The following SGCE variants were observed in gnomAD, a reference collection of about 807,000 sequenced individuals.
SGCE encodes the protein sarcoglycan epsilon.
Under a neutral mutation model 57.8 loss-of-function variants are expected in SGCE, and 26 were observed. That is an observed-to-expected ratio of 0.45 (90% CI 0.33 to 0.62). The LOEUF (loss-of-function observed/expected upper bound fraction) is 0.62, where lower values mean the gene tolerates loss of function less well. Ranked by LOEUF, SGCE falls within the 20% of genes least tolerant of loss-of-function variation. SGCE has a pLI of 0.02. For synonymous variants in SGCE, 183 were observed against 189.5 expected (o/e 0.97, Z 0.28); for missense variants, 468 against 548.6 (o/e 0.85, Z 1.47).
Position 94,618,910 on chromosome 7 carries a change from A to G in SGCE, c.510T>C (p.Asn170=), listed in dbSNP as rs55853245. The G allele has an allele frequency of 1.9e-4, 306 of 1,614,018 alleles. No homozygotes were observed. The highest frequency in any genetic ancestry group is 8.5e-4 in the Admixed American group (51 of 60,016). ...YQAEFFIKNM[N]VEEMLASEVL... is the part of the protein sequence containing the mutation. ...CCTCACTGGCCAACATTTCTTCTACATTCATATTCTTAATGAAGAATTCTG... is the reference window on the plus strand; with the variant it reads ...CCTCACTGGCCAACATTTCTTCTACGTTCATATTCTTAATGAAGAATTCTG... Residue 170 remains asparagine (N), a synonymous_variant, in exon 5 of 11, where the codon AAT becomes AAC. Coordinates refer to ENST00000648936, the MANE Select transcript of SGCE (RefSeq NM_003919.3).
intron 5 of SGCE, among the ~76,000 whole-genome samples, chr7:94,610,025 TA>T (rs1800759252): frequency 6.6e-6 from 1 of 152,132 alleles, no homozygotes; most frequent in Non-Finnish European, 1.5e-5. Context: ...TATTCAGTGC[TA>T]AAATGGAATA....
chr7:94,590,200 C>T (rs1048079958), intron 9 of SGCE, among the ~76,000 whole-genome samples: 18 of 152,104 alleles, frequency 1.2e-4, no homozygotes, highest in African/African-American at 4.3e-4. Context: ...GAACTTGTTA[C>T]AGCATACAGG....
At chr7:94,591,724 G>A (rs1327688360) in intron 9 of SGCE, among the ~76,000 whole-genome samples, 2 of 151,980 alleles carry the variant, frequency 1.3e-5, no homozygotes, top group African/African-American at 2.4e-5. Flanking sequence ...TTCTTTTCTA[G>A]CCTCCGTTTT....
At chr7:94,614,944 T>C (rs1473066769) in intron 5 of SGCE, among the ~76,000 whole-genome samples, 2 of 152,224 alleles carry the variant, frequency 1.3e-5, no homozygotes, top group African/African-American at 4.8e-5. Context: ...GTTTTTTTGT[T>C]ATAAAAATTG....
intron 9 of SGCE, among the ~76,000 whole-genome samples, chr7:94,593,801 C>G (rs1212246830): frequency 6.6e-6 from 1 of 152,088 alleles, no homozygotes; most frequent in Non-Finnish European, 1.5e-5. Flanking sequence ...AACTGTTCCC[C>G]TTTTAAAACT....
chr7:94,600,353 C>G (rs1343368060), intron 7 of SGCE: 2 of 359,784 alleles, frequency 5.6e-6, no homozygotes, highest in East Asian at 1.3e-4. Flanking sequence ...TGCAAGATGG[C>G]TTGTATAACC....
intron 1 of SGCE, among the ~76,000 whole-genome samples, chr7:94,654,672 TTTG>T (rs1199670785): frequency 1.3e-5 from 2 of 152,222 alleles, no homozygotes; most frequent in Non-Finnish European, 2.9e-5. Flanking sequence ...GGGCTACAGT[TTTG>T]TTTATTCCTA....
chr7:94,593,044 A>G (rs1389450932), intron 9 of SGCE, among the ~76,000 whole-genome samples: 2 of 152,166 alleles, frequency 1.3e-5, no homozygotes, highest in Non-Finnish European at 2.9e-5. Flanking sequence ...TTCAACTGAT[A>G]TTAACTTTTA....
chr7:94,623,568 T>C (rs1803184479), intron 3 of SGCE, 171 bp from the exon 4 acceptor site: 3 of 595,486 alleles, frequency 5.0e-6, no homozygotes, highest in Non-Finnish European at 8.9e-6. Flanking sequence ...TTTAGCAATA[T>C]TATGGGAAAA....
rs34311900 is a variant in SGCE at position 94,586,956 on chromosome 7, C to CTG, written c.1298-1443_1298-1442dup. 0.03 allele frequency: 29,636 copies of CTG among 984,046 alleles called. 6,355 individuals carry two copies. The African/African-American group carries it at 0.47, about 15-fold the overall frequency. 61.0% of individuals were successfully genotyped at this position (984,046 alleles called of 1,614,324 possible). On this transcript the variant is annotated intron_variant, in intron 10 of 10. Transcript: ENST00000648936. ...ACAACAAAACAACCAAGAGGAGATACTGTACTTTAGTCTATAATATGATCC... is the reference window on the plus strand; with the variant it reads ...ACAACAAAACAACCAAGAGGAGATACTGTGTACTTTAGTCTATAATATGATCC...
intron 10 of SGCE, chr7:94,587,168 T>C: frequency 1.0e-6 from 1 of 984,888 alleles, no homozygotes; most frequent in Non-Finnish European, 1.2e-6. Context: ...CTTATATTTG[T>C]TTAGGCATAA....
In SGCE at chr7:94,629,817, T is replaced by C. The variant is rs764776893; in HGVS notation, c.134A>G (p.His45Arg). 2 of 1,610,810 alleles carry C rather than the reference T, an allele frequency of 1.2e-6. No homozygotes were observed. The highest frequency in any genetic ancestry group is 1.1e-5 in the South Asian group (1 of 91,006). Residue 45 changes from histidine (H) to arginine (R), a missense_variant, in exon 2 of 11, where the codon CAC (histidine) becomes CGC (arginine). By Grantham distance (29) the His-to-Arg change is conservative. Transcript: ENST00000648936. Reference protein sequence around the residue: ...LTVYSIFSKVHSDRNVYPSAG... With the variant: ...LTVYSIFSKVRSDRNVYPSAG... ...TGATGGGTATACATTCCGATCGGAG[T>C]GTACCTTGGAGAAAATACTGTACAC... is the stretch of plus-strand genomic sequence containing the variant.
At chr7:94,624,178 AAC>A (rs1435365615) in intron 3 of SGCE, 22 of 397,448 alleles carry the variant, frequency 5.5e-5, no homozygotes, top group Middle Eastern at 6.2e-4. Context: ...AAAAAAAAAA[AAC>A]AAATGATTGT....
intron 3 of SGCE, chr7:94,624,333 T>A: frequency 2.5e-6 from 1 of 397,570 alleles, no homozygotes. Flanking sequence ...AAGATTTTTA[T>A]ACATTACATG....
chr7:94,623,056 G>C (rs1803067225), intron 4 of SGCE, among the ~76,000 whole-genome samples: 1 of 152,096 alleles, frequency 6.6e-6, no homozygotes, highest in Non-Finnish European at 1.5e-5. Flanking sequence ...AAATGCTACT[G>C]TTAGTCCCAT....
At chr7:94,605,087 C>A (rs914486380) in intron 5 of SGCE, among the ~76,000 whole-genome samples, 1 of 151,506 alleles carries the variant, frequency 6.6e-6, no homozygotes, top group Non-Finnish European at 1.5e-5. Flanking sequence ...ATACATTAGT[C>A]CAGCTAGCAA....
intron 1 of SGCE, among the ~76,000 whole-genome samples, chr7:94,650,835 T>C (rs1221866298): frequency 6.6e-6 from 1 of 152,116 alleles, no homozygotes; most frequent in African/African-American, 2.4e-5. Context: ...CATCAGAGAG[T>C]TCATGTTGAC....
intron 5 of SGCE, among the ~76,000 whole-genome samples, chr7:94,608,519 T>C (rs766319824): frequency 6.6e-6 from 1 of 152,202 alleles, no homozygotes; most frequent in Non-Finnish European, 1.5e-5. Context: ...ATAGATTCAA[T>C]GTAATCTCAA....
rs1034414453 is a variant in SGCE, at chr7:94,656,003, T to C, written c.96A>G (p.Thr32=). The C allele has an allele frequency of 1.9e-6, 3 of 1,607,948 alleles. No homozygotes were observed. In the African/African-American group the frequency reaches 4.0e-5, roughly 21 times the overall value. The change falls in exon 1 of 11, where the codon ACA becomes ACG. Residue 32 remains threonine, a synonymous_variant. Coordinates refer to ENST00000648936, the MANE Select transcript of SGCE (RefSeq NM_003919.3). ...TRRMSPATTG[T]FLLTVYSIFS... is the part of the protein sequence containing the mutation. Reference sequence around the variant, plus strand: ...CAGGCCACTAACCTGTCAGCAAGAATGTGCCAGTGGTCGCGGGGCTCATCC... The same window carrying C: ...CAGGCCACTAACCTGTCAGCAAGAACGTGCCAGTGGTCGCGGGGCTCATCC...
Sources: gnomAD v4.1 joint callset for allele counts (sites outside exome capture counted in the v4.1 genomes callset) on GRCh38, gnomAD v4.1.1 for gene constraint, MANE v1.5 for transcripts, NCBI Gene and HGNC (gene_info 2026-07-23, HGNC 2026-07-21) for gene names.